The following COL12A1 variants were observed in gnomAD, a reference collection of about 807,000 sequenced individuals.
The protein encoded by COL12A1 is collagen alpha-1(XII) chain.
Under a neutral mutation model 349.7 loss-of-function variants are expected in COL12A1, and 114 were observed. The observed-to-expected ratio is 0.33, with a 90% CI of 0.28 to 0.38. COL12A1 has a LOEUF of 0.38. Ranked by LOEUF, COL12A1 falls within the 10% of genes least tolerant of loss-of-function variation. The pLI, the probability that COL12A1 is intolerant of heterozygous loss-of-function variation, is 1.00. For synonymous variants in COL12A1, 1,369 were observed against 1,329.0 expected, an observed-to-expected ratio of 1.03 and a Z score of -0.66; for missense variants, 3,284 against 3,756.9, an observed-to-expected ratio of 0.87 and a Z score of 3.29.
chr6:75,172,534 C>G (rs1031084564), intron 13 of COL12A1, among the ~76,000 whole-genome samples: 1 of 152,034 alleles, frequency 6.6e-6, no homozygotes, highest in Non-Finnish European at 1.5e-5. Flanking sequence ...AAAGTTTGTC[C>G]TCTAAAAAAA....
intron 32 of COL12A1, 49 bp from the exon 33 acceptor site, chr6:75,134,046 C>A: frequency 6.4e-7 from 1 of 1,569,540 alleles, no homozygotes; most frequent in Non-Finnish European, 8.7e-7. Context: ...CAATCAAGCA[C>A]ACATGAAACA....
rs796108876 is a variant in COL12A1, at chr6:75,091,200, C to T, written c.8752+123G>A. The T allele has an allele frequency of 6.5e-6, 5 of 765,022 alleles. No individual in the cohort carries two copies. The African/African-American group carries it at 7.0e-5, about 11-fold the overall frequency. 47.4% of individuals were successfully genotyped at this position (765,022 alleles called of 1,614,324 possible). A position where few individuals can be genotyped will look rare whatever the true frequency, so the allele number is the denominator to read the frequency against. On this transcript the variant is annotated intron_variant, in intron 62 of 65. Transcript: ENST00000322507. ...ATACAAAACTGACAATGTATAAGAA[C>T]AAAAGCTTATCAAATGAAATGAAAG...
Position 75,126,357 on chromosome 6 carries a change from GC to G in COL12A1, c.6453del (p.Lys2151AsnfsTer16), listed in dbSNP as rs1301276161. The G allele has an allele frequency of 6.2e-7, 1 of 1,609,126 alleles. No individual in the cohort carries two copies. Among genetic ancestry groups the G allele is most frequent in the Non-Finnish European group, 8.5e-7 (1 of 1,176,496 alleles). The part of the protein sequence containing the change: ...SPVLGYKIVY[K>X]PVGSNEPMEA... ...GACAAAGGCACTTCCTTACCCACTG[GC>G]TTATATACTATTTTATATCCAAGAA... On this transcript the variant is annotated frameshift_variant, in exon 39 of 66. Coordinates refer to ENST00000322507, the MANE Select transcript of COL12A1 (RefSeq NM_004370.6). LOFTEE classifies it high-confidence loss of function.
intron 11 of COL12A1, among the ~76,000 whole-genome samples, chr6:75,178,260 A>T (rs1228437766): frequency 6.6e-6 from 1 of 152,238 alleles, no homozygotes; most frequent in East Asian, 1.9e-4. Context: ...AACTTCAAGA[A>T]TAAAAACAAG....
At chr6:75,092,417 A>AT (rs1237402345) in intron 60 of COL12A1, among the ~76,000 whole-genome samples, 4 of 152,326 alleles carry the variant, frequency 2.6e-5, no homozygotes, top group Non-Finnish European at 5.9e-5. Context: ...CTGATCCTAC[A>AT]TCTAAATACA....
At chr6:75,128,167 T>C (rs1242039012) in intron 38 of COL12A1, 129 bp downstream of exon 38, 3 of 748,236 alleles carry the variant, frequency 4.0e-6, no homozygotes, top group Non-Finnish European at 3.9e-6. Context: ...ATAAAAATAA[T>C]ACAATATTAG....
At chr6:75,165,211 C>T (rs1469289931) in intron 14 of COL12A1, among the ~76,000 whole-genome samples, 4 of 151,902 alleles carry the variant, frequency 2.6e-5, no homozygotes, top group Non-Finnish European at 5.9e-5. Context: ...ATTCTCTTCG[C>T]TTCATAGCTT....
chr6:75,145,998 A>G (rs542364414), intron 24 of COL12A1, 104 bp downstream of exon 24: 1 of 1,244,700 alleles, frequency 8.0e-7, no homozygotes, highest in South Asian at 2.0e-5. Context: ...TCCATTTTGT[A>G]CGTAAAGTTA....
At position 75,116,137 on chromosome 6, in the gene COL12A1, G is replaced by T. The variant is rs377157567; in HGVS notation, c.7520-80C>A. The T allele has an allele frequency of 5.5e-6, 7 of 1,261,696 alleles. No individual in the cohort carries two copies. In the Admixed American group the frequency reaches 7.5e-5, roughly 14 times the overall value. The allele number at this position is 1,261,696 out of a possible 1,614,324, so 78.2% of individuals were successfully genotyped here. A position where few individuals can be genotyped will look rare whatever the true frequency, so the allele number is the denominator to read the frequency against. On this transcript the variant is annotated intron_variant, in intron 47 of 65. Transcript: ENST00000322507. ...ATATGCACAGAAAGTAGCAATGAACGTATTTCAAGTAATAAATGACATTGT... is the reference window on the plus strand; with the variant it reads ...ATATGCACAGAAAGTAGCAATGAACTTATTTCAAGTAATAAATGACATTGT...
At chr6:75,128,206 T>C in intron 38 of COL12A1, 90 bp downstream of exon 38, 1 of 1,193,756 alleles carries the variant, frequency 8.4e-7, no homozygotes, top group African/African-American at 1.6e-5. Flanking sequence ...TTGGTAAAGA[T>C]AAAATTTTAG....
chr6:75,131,441 T>G (rs1031822909), intron 35 of COL12A1, among the ~76,000 whole-genome samples: 5 of 152,238 alleles, frequency 3.3e-5, no homozygotes, highest in African/African-American at 1.2e-4. Flanking sequence ...AATGCATATA[T>G]TGTTAATCAT....
chr6:75,117,704 C>A, intron 46 of COL12A1, 158 bp from the exon 47 acceptor site: 1 of 623,476 alleles, frequency 1.6e-6, no homozygotes, highest in Non-Finnish European at 2.6e-6. Flanking sequence ...TAAATACATA[C>A]TTTTTCCAGG....
In COL12A1 at chr6:75,182,817, C is replaced by T. The variant is rs78489736; in HGVS notation, c.1891+233G>A. 0.016 allele frequency among the ~76,000 whole-genome samples: 2,436 copies of T among 152,240 alleles called. 68 individuals are homozygous for T. Among genetic ancestry groups the T allele is most frequent in the African/African-American group, 0.056 (2,316 of 41,520 alleles). On this transcript the variant is annotated intron_variant, in intron 10 of 65. Transcript: ENST00000322507. ...CTGCTTGACAATCTAGGAACAGAAACATCTCATGACTCTTGTAACTAAACA... is the reference window on the plus strand; with the variant it reads ...CTGCTTGACAATCTAGGAACAGAAATATCTCATGACTCTTGTAACTAAACA...
intron 2 of COL12A1, among the ~76,000 whole-genome samples, chr6:75,196,538 C>T (rs1770235298): frequency 6.6e-6 from 1 of 152,140 alleles, no homozygotes; most frequent in African/African-American, 2.4e-5. Context: ...ACTATCCATA[C>T]ACAGGCAGTG....
chr6:75,138,718 A>T, intron 28 of COL12A1, 104 bp downstream of exon 28: 1 of 1,565,558 alleles, frequency 6.4e-7, no homozygotes, highest in Non-Finnish European at 8.7e-7. Context: ...TCAAATGTCA[A>T]TAAATGCTTA....
At chr6:75,100,034 A>T (rs756205297) in intron 58 of COL12A1, among the ~76,000 whole-genome samples, 2 of 152,138 alleles carry the variant, frequency 1.3e-5, no homozygotes, top group Non-Finnish European at 2.9e-5. Flanking sequence ...TCCTTTTTGC[A>T]TTAGTGGTAG....
chr6:75,203,419 T>C (rs910523), intron 1 of COL12A1, among the ~76,000 whole-genome samples: 127,804 of 152,186 alleles, frequency 0.84, 54,888 homozygotes, highest in Non-Finnish European at 0.93. Flanking sequence ...TTTTCACATC[T>C]GATAAATCCT....
At position 75,184,006 on chromosome 6, in the gene COL12A1, G is replaced by A. The variant is rs1769475423; in HGVS notation, c.1136C>T (p.Ala379Val). 6.2e-7 allele frequency: 1 copy of A among 1,614,068 alleles called. No individual in the cohort carries two copies. Among genetic ancestry groups the A allele is most frequent in the Admixed American group, 1.7e-5 (1 of 59,994 alleles). Residue 379 changes from alanine (A) to valine (V), a missense_variant, in exon 9 of 66, where the codon GCT becomes GTT. Ala to Val is a moderately conservative substitution (Grantham distance 64, BLOSUM62 0). This residue lies in a region of COL12A1 where 2,601 missense variants were observed against 2,824.8 expected (regional missense o/e 0.92). Coordinates refer to ENST00000322507, the MANE Select transcript of COL12A1 (RefSeq NM_004370.6). ...TPMTAGSRQH[A>V]LSVGPQTTTL... ...GGTTGTCTGAGGCCCCACACTCAGA[G>A]CGTGCTGTCGGCTTCCTGCAGTCAT...
chr6:75,097,490 C>A (rs898915219), intron 58 of COL12A1, among the ~76,000 whole-genome samples, 184 bp from the exon 59 acceptor site: 2 of 152,140 alleles, frequency 1.3e-5, no homozygotes, highest in Non-Finnish European at 1.5e-5. Flanking sequence ...ATTAAAAAAT[C>A]TTTTCAGTTT....
Sources: allele counts gnomAD v4.1 joint callset (sites outside exome capture counted in the v4.1 genomes callset), GRCh38; gene constraint gnomAD v4.1.1; regional missense constraint gnomAD v4.1.1; transcripts MANE v1.5; gene names NCBI Gene and HGNC (gene_info 2026-07-23, HGNC 2026-07-21).